The following RNF130 variants were observed in gnomAD, a reference collection of about 807,000 sequenced individuals.
RNF130 encodes the protein E3 ubiquitin-protein ligase RNF130.
In RNF130, 21 loss-of-function variants were observed where a neutral mutation model predicts 44.6. The ratio of observed to expected loss-of-function variants is 0.47; its 90% CI spans 0.33 to 0.68. The LOEUF is 0.68. RNF130 is among the 30% of genes least tolerant of loss of function. The pLI is 0.02. For synonymous variants in RNF130, 214 were observed against 210.4 expected (o/e 1.02, Z -0.15); for missense variants, 479 against 560.6 (o/e 0.85, Z 1.47).
chr5:179,965,247 G>A (rs1371973940), intron 7 of RNF130, among the ~76,000 whole-genome samples: 1 of 152,160 alleles, frequency 6.6e-6, no homozygotes, highest in Admixed American at 6.5e-5. Flanking sequence ...AGCCGGCCTG[G>A]CTACCTCTGC....
intron 1 of RNF130, among the ~76,000 whole-genome samples, chr5:180,044,597 G>A (rs1211002475): frequency 1.3e-5 from 2 of 152,144 alleles, no homozygotes; most frequent in African/African-American, 2.4e-5. Context: ...ACTTTGGGAG[G>A]CCGAAGTGGA....
intron 3 of RNF130, among the ~76,000 whole-genome samples, chr5:180,007,988 GTTT>G (rs371751598): frequency 1.5e-5 from 2 of 129,888 alleles, no homozygotes; most frequent in Admixed American, 8.0e-5. Flanking sequence ...AAATCTTTTA[GTTT>G]TTTTTTTTTT....
intron 7 of RNF130, among the ~76,000 whole-genome samples, chr5:179,921,380 GT>G (rs1324636404): frequency 7.2e-5 from 11 of 152,170 alleles, no homozygotes; most frequent in African/African-American, 2.7e-4. Flanking sequence ...TACAAATAAA[GT>G]TGCTAGAACA....
intron 1 of RNF130, among the ~76,000 whole-genome samples, chr5:180,055,293 GCAAA>G (rs1764789563): frequency 1.2e-5 from 1 of 81,906 alleles, no homozygotes; most frequent in Non-Finnish European, 2.4e-5. Flanking sequence ...AAAAAAAACA[GCAAA>G]CAAACAAAAA....
At chr5:180,036,950 T>C (rs2038696806) in intron 2 of RNF130, among the ~76,000 whole-genome samples, 1 of 152,250 alleles carries the variant, frequency 6.6e-6, no homozygotes. Flanking sequence ...CTTAATCTTA[T>C]GTATGTTTTT....
chr5:180,049,289 T>C (rs961442125), intron 1 of RNF130, among the ~76,000 whole-genome samples: 8 of 152,294 alleles, frequency 5.3e-5, no homozygotes, highest in South Asian at 2.1e-4. Context: ...AGAGCCCCAC[T>C]TGAAGATCAG....
At chr5:180,058,616 T>C (rs950959332) in intron 1 of RNF130, among the ~76,000 whole-genome samples, 4 of 152,250 alleles carry the variant, frequency 2.6e-5, no homozygotes, top group Admixed American at 2.6e-4. Flanking sequence ...AGTGTAGTAG[T>C]GTGATCTCGG....
At chr5:179,998,083 G>A (rs528509571) in intron 3 of RNF130, among the ~76,000 whole-genome samples, 12 of 149,064 alleles carry the variant, frequency 8.1e-5, no homozygotes, top group South Asian at 4.3e-4. Flanking sequence ...CTCGTGATCC[G>A]CCACCTTGGC....
At chr5:179,922,637 G>T (rs887171394) in intron 7 of RNF130, among the ~76,000 whole-genome samples, 2 of 151,602 alleles carry the variant, frequency 1.3e-5, no homozygotes, top group African/African-American at 4.8e-5. Context: ...TCAAGTATGA[G>T]GGTTTAAAAA....
intron 5 of RNF130, among the ~76,000 whole-genome samples, chr5:179,974,263 C>T (rs903956235): frequency 2.0e-5 from 3 of 152,178 alleles, no homozygotes; most frequent in Non-Finnish European, 4.4e-5. Context: ...CCTGAAGTGG[C>T]ATGGAAACAT....
intron 1 of RNF130, among the ~76,000 whole-genome samples, chr5:180,041,105 TGAG>T (rs1331807642): frequency 6.6e-6 from 1 of 152,148 alleles, no homozygotes; most frequent in African/African-American, 2.4e-5. Flanking sequence ...TGGGGGCCAG[TGAG>T]GAGGCCAAAA....
intron 7 of RNF130, among the ~76,000 whole-genome samples, chr5:179,924,658 G>A (rs946714128): frequency 1.3e-5 from 2 of 151,928 alleles, no homozygotes; most frequent in African/African-American, 4.8e-5. Context: ...GCATGGTGGC[G>A]GGTGCCTGTA....
chr5:179,936,505 A>G (rs1038571489), intron 7 of RNF130, among the ~76,000 whole-genome samples: 1 of 152,180 alleles, frequency 6.6e-6, no homozygotes, highest in Non-Finnish European at 1.5e-5. Flanking sequence ...CTGGGATTAC[A>G]GGTGTGAGCC....
At position 179,976,058 on chromosome 5, in the gene RNF130, A is replaced by G. The variant is rs185397757; in HGVS notation, c.848+2145T>C. Among the ~76,000 whole-genome samples, 333 of 152,326 alleles carry G rather than the reference A, an allele frequency of 2.2e-3. 6 individuals are homozygous for G. In the Middle Eastern group the frequency reaches 0.024, roughly 11 times the overall value. Reference sequence around the variant, plus strand: ...AAAAAGAGGGCCAGACGTCAGGCTCATGCCTGTGATCCCAGCACTTCAGGA... The same window carrying G: ...AAAAAGAGGGCCAGACGTCAGGCTCGTGCCTGTGATCCCAGCACTTCAGGA... On this transcript the variant is annotated intron_variant, in intron 5 of 8. Transcript: ENST00000521389.
intron 3 of RNF130, among the ~76,000 whole-genome samples, chr5:179,988,852 C>T (rs188075185): frequency 6.6e-6 from 1 of 152,308 alleles, no homozygotes; most frequent in East Asian, 1.9e-4. Flanking sequence ...AATGTGTATT[C>T]TGCAGCAATT....
intron 1 of RNF130, among the ~76,000 whole-genome samples, chr5:180,055,271 A>AC (rs1764786007): frequency 5.3e-5 from 1 of 18,810 alleles, no homozygotes; most frequent in Non-Finnish European, 1.2e-4. Context: ...AAAAAAAAAA[A>AC]AAAAAAAAAC....
chr5:179,925,966 G>A (rs185816244), intron 7 of RNF130, among the ~76,000 whole-genome samples: 175 of 152,322 alleles, frequency 1.1e-3, no homozygotes, highest in Non-Finnish European at 1.9e-3. Flanking sequence ...CATGTGGCAC[G>A]GAAAGGGGGA....
intron 1 of RNF130, among the ~76,000 whole-genome samples, chr5:180,048,568 T>C (rs1764622202): frequency 6.6e-6 from 1 of 151,744 alleles, no homozygotes; most frequent in African/African-American, 2.4e-5. Context: ...AGCCCAGGAG[T>C]TGAAAGCTAC....
At chr5:179,940,481 C>T (rs1182483482) in intron 7 of RNF130, among the ~76,000 whole-genome samples, 1 of 152,120 alleles carries the variant, frequency 6.6e-6, no homozygotes, top group Admixed American at 6.5e-5. Flanking sequence ...TCATGATCCT[C>T]CCGCTTTGGC....
Sources: allele counts gnomAD v4.1 joint callset (sites outside exome capture counted in the v4.1 genomes callset), GRCh38; gene constraint gnomAD v4.1.1; transcripts MANE v1.5; gene names NCBI Gene and HGNC (gene_info 2026-07-23, HGNC 2026-07-21).